Variants in CA8 observed in about 807,000 individuals in gnomAD.
The protein encoded by CA8 is carbonic anhydrase-related protein.
In CA8, 22 loss-of-function variants were observed where a neutral mutation model predicts 41.4. The ratio of observed to expected loss-of-function variants is 0.53; its 90% confidence interval spans 0.38 to 0.76. CA8 has a LOEUF of 0.76. CA8 is among the 30% of genes least tolerant of loss of function. The probability of loss-of-function intolerance (pLI) is 0.00; values close to 1 mark genes in which losing one functional copy is unlikely to be tolerated. For synonymous variants in CA8, 121 were observed against 130.6 expected (o/e 0.93, Z 0.50); for missense variants, 270 against 352.8 (o/e 0.77, Z 1.88).
At chr8:60,270,653 T>C (rs986207157) in intron 2 of CA8, among the ~76,000 whole-genome samples, 1 of 152,180 alleles carries the variant, frequency 6.6e-6, no homozygotes, top group African/African-American at 2.4e-5. Context: ...TGACCTCAAG[T>C]GAGCCACCTG....
chr8:60,279,612 G>T, intron 2 of CA8, 77 bp downstream of exon 2: 1 of 1,244,690 alleles, frequency 8.0e-7, no homozygotes, highest in Non-Finnish European at 1.2e-6. Context: ...TTTAAATTGT[G>T]CAAGTTAAAT....
intron 8 of CA8, among the ~76,000 whole-genome samples, chr8:60,207,719 T>A (rs1340497592): frequency 6.6e-6 from 1 of 152,212 alleles, no homozygotes; most frequent in Non-Finnish European, 1.5e-5. Flanking sequence ...TCCGCATCTA[T>A]CACCCTGGCT....
At chr8:60,255,307 T>A (rs188774660) in intron 3 of CA8, among the ~76,000 whole-genome samples, 2 of 150,936 alleles carry the variant, frequency 1.3e-5, no homozygotes, top group Admixed American at 1.3e-4. Flanking sequence ...TCTCTCGAAT[T>A]AAGCTATGTC....
chr8:60,256,194 G>T (rs1808631004), intron 3 of CA8, among the ~76,000 whole-genome samples: 2 of 152,176 alleles, frequency 1.3e-5, no homozygotes, highest in African/African-American at 2.4e-5. Flanking sequence ...ACAGGCATGA[G>T]CCGCCACACT....
At position 60,281,249 on chromosome 8, in the gene CA8, C is replaced by CGCGCGTG. The variant is rs1412707449; in HGVS notation, c.-103_-102insCACGCGC. 1 of 802,558 alleles carries CGCGCGTG rather than the reference C, an allele frequency of 1.2e-6. No individual in the cohort carries two copies. The highest frequency in any genetic ancestry group is 1.7e-5 in the African/African-American group (1 of 58,234). 49.7% of individuals were successfully genotyped at this position (802,558 alleles called of 1,614,324 possible). ...CGGAGCGCGCGTGGGGGAGTGTGAG[C>CGCGCGTG]ACGCGTGAGCGGCAGTGTGAGTGCG... On this transcript the variant is annotated 5_prime_UTR_variant, in exon 1 of 9. Transcript: ENST00000317995.
intron 2 of CA8, among the ~76,000 whole-genome samples, chr8:60,270,878 T>A (rs545199245): frequency 6.6e-6 from 1 of 152,316 alleles, no homozygotes; most frequent in East Asian, 1.9e-4. Context: ...TTTTAAACTG[T>A]CTTTGGCTTT....
chr8:60,281,157 G>C lies in CA8; in HGVS notation c.-10C>G. ...AGCTCAGGTCCGCCATGGGAAGGCC[G>C]CGGGGCCCCTCGGCGCTCTCGGCAG... On this transcript the variant is annotated 5_prime_UTR_variant, in exon 1 of 9. Coordinates refer to ENST00000317995, the MANE Select transcript of CA8 (RefSeq NM_004056.6). 6.5e-7 allele frequency: 1 copy of C among 1,546,662 alleles called. No individual in the cohort carries two copies. Among genetic ancestry groups the C allele is most frequent in the Non-Finnish European group, 8.7e-7 (1 of 1,145,280 alleles).
rs1022045626 is a variant in CA8 at position 60,197,258 on chromosome 8, T to C, written c.*36-7273A>G. Among the ~76,000 whole-genome samples the C allele has an allele frequency of 3.9e-5, 6 of 152,122 alleles. No homozygotes were observed. In the South Asian group the frequency reaches 1.2e-3, roughly 32 times the overall value. ...TATGTAAAACCATTTTAAAAATAACTATGCAATGACATGAAAAGATATATC... is the reference window on the plus strand; with the variant it reads ...TATGTAAAACCATTTTAAAAATAACCATGCAATGACATGAAAAGATATATC... On this transcript the variant is annotated intron_variant, in intron 8 of 8. Transcript: ENST00000317995.
intron 7 of CA8, among the ~76,000 whole-genome samples, chr8:60,209,918 C>T (rs1250218389): frequency 2.6e-5 from 4 of 152,194 alleles, no homozygotes; most frequent in Non-Finnish European, 5.9e-5. Flanking sequence ...GCCTGCCAGA[C>T]GTGACTCTCT....
intron 6 of CA8, among the ~76,000 whole-genome samples, chr8:60,224,236 C>A (rs1807348879): frequency 6.6e-6 from 1 of 152,158 alleles, no homozygotes; most frequent in Non-Finnish European, 1.5e-5. Context: ...CATGAGCCAC[C>A]ACACCCAGCC....
chr8:60,216,843 A>AT (rs1237359356), intron 7 of CA8, among the ~76,000 whole-genome samples: 1 of 152,244 alleles, frequency 6.6e-6, no homozygotes, highest in Non-Finnish European at 1.5e-5. Context: ...CACTCAACAA[A>AT]TCTAAACCTT....
chr8:60,189,676 C>T lies in CA8; in HGVS notation c.*345G>A, dbSNP rs1563515014. The T allele has an allele frequency of 6.6e-6, 1 of 152,422 alleles. No homozygotes were observed. Among genetic ancestry groups the T allele is most frequent in the Non-Finnish European group, 1.5e-5 (1 of 67,970 alleles). 9.4% of individuals were successfully genotyped at this position (152,422 alleles called of 1,614,324 possible). On this transcript the variant is annotated 3_prime_UTR_variant, in exon 9 of 9. Transcript: ENST00000317995. ...TGTATTTTTCCTTTCTCAATATTAA[C>T]ACATGATATATATTCATATTAATAA...
At chr8:60,253,914 T>C (rs1437387837) in intron 3 of CA8, among the ~76,000 whole-genome samples, 2 of 152,174 alleles carry the variant, frequency 1.3e-5, no homozygotes, top group Non-Finnish European at 2.9e-5. Flanking sequence ...GCTTTTTTCA[T>C]ATATAGTAGC....
chr8:60,274,620 T>G (rs917795137), intron 2 of CA8, among the ~76,000 whole-genome samples: 1 of 152,148 alleles, frequency 6.6e-6, no homozygotes, highest in South Asian at 2.1e-4. Context: ...GAGGCTCTTA[T>G]AAAAGGGCTC....
chr8:60,235,882 A>G (rs1423008865), intron 3 of CA8, among the ~76,000 whole-genome samples: 1 of 152,196 alleles, frequency 6.6e-6, no homozygotes, highest in African/African-American at 2.4e-5. Context: ...AAACTCCCCC[A>G]TAATAACCTC....
intron 3 of CA8, among the ~76,000 whole-genome samples, chr8:60,249,608 G>A (rs779270983): frequency 5.3e-5 from 8 of 152,036 alleles, no homozygotes; most frequent in Non-Finnish European, 1.0e-4. Context: ...TAAATAAATT[G>A]AGCTTTTTGC....
chr8:60,235,772 C>T (rs1585886589), intron 3 of CA8, among the ~76,000 whole-genome samples: 1 of 152,148 alleles, frequency 6.6e-6, no homozygotes, highest in African/African-American at 2.4e-5. Flanking sequence ...AGGGGTCAGA[C>T]AGCACAGAGC....
rs35437140 is a variant in CA8 at position 60,209,160 on chromosome 8, T to C, written c.739-241A>G. ...TATCAAGATCTCTGAACAACTCAAA[T>C]AGATAAAGAAATCTGCTCCATTTGT... On this transcript the variant is annotated intron_variant, in intron 7 of 8. Transcript: ENST00000317995. Among the ~76,000 whole-genome samples the C allele has an allele frequency of 0.37, 56,141 of 152,014 alleles. 10,784 individuals carry two copies. The highest frequency in any genetic ancestry group is 0.45 in the Admixed American group (6,822 of 15,288).
At position 60,281,177 on chromosome 8, in the gene CA8, C is replaced by A. The variant is rs377529327; in HGVS notation, c.-30G>T. The A allele has an allele frequency of 1.4e-6, 2 of 1,480,862 alleles. No individual in the cohort carries two copies. Among genetic ancestry groups the A allele is most frequent in the South Asian group, 1.2e-5 (1 of 82,810 alleles). The allele number at this position is 1,480,862 out of a possible 1,614,324, so 91.7% of individuals were successfully genotyped here. A position where few individuals can be genotyped will look rare whatever the true frequency, so the allele number is the denominator to read the frequency against. ...AGGCCGCGGGGCCCCTCGGCGCTCT[C>A]GGCAGCAGTGCCTGCGCCTTCGCTG... is the stretch of plus-strand genomic sequence containing the variant. On this transcript the variant is annotated 5_prime_UTR_variant, in exon 1 of 9. Coordinates refer to ENST00000317995, the MANE Select transcript of CA8 (RefSeq NM_004056.6).
Sources: allele counts gnomAD v4.1 joint callset (sites outside exome capture counted in the v4.1 genomes callset), GRCh38; gene constraint gnomAD v4.1.1; transcripts MANE v1.5; gene names NCBI Gene and HGNC (gene_info 2026-07-23, HGNC 2026-07-21).